Variants in EZR observed in about 807,000 individuals in gnomAD.
The protein encoded by EZR is ezrin.
Under a neutral mutation model 74.8 loss-of-function variants are expected in EZR, and 40 were observed. That is an observed-to-expected ratio of 0.53 (90% CI 0.42 to 0.70). The LOEUF (loss-of-function observed/expected upper bound fraction) is 0.70, where lower values mean the gene tolerates loss of function less well. EZR is among the 30% of genes least tolerant of loss of function. EZR has a pLI of 0.00. For synonymous variants in EZR, 341 were observed against 283.3 expected, an observed-to-expected ratio of 1.20 and a Z score of -2.05; for missense variants, 678 against 755.8, an observed-to-expected ratio of 0.90 and a Z score of 1.21.
rs937282213 is a variant in EZR at position 158,766,030 on chromosome 6, AAC to A, written c.*882_*883del. 1 of 152,610 alleles carries A rather than the reference AAC, an allele frequency of 6.6e-6. No homozygotes were observed. Among genetic ancestry groups the A allele is most frequent in the Admixed American group, 6.5e-5 (1 of 15,278 alleles). 9.5% of individuals were successfully genotyped at this position (152,610 alleles called of 1,614,324 possible). A position where few individuals can be genotyped will look rare whatever the true frequency, so the allele number is the denominator to read the frequency against. ...TGTGCATAGTCCATTACATGCATAA[AAC>A]ACTAATAATAATCCTGTTTACACGT... On this transcript the variant is annotated 3_prime_UTR_variant, in exon 14 of 14. Coordinates refer to ENST00000367075, the MANE Select transcript of EZR (RefSeq NM_001111077.2).
chr6:158,804,369 C>T (rs1008658478), intron 2 of EZR, among the ~76,000 whole-genome samples: 1 of 152,174 alleles, frequency 6.6e-6, no homozygotes, highest in African/African-American at 2.4e-5. Context: ...ATCTCCTTAC[C>T]TCAGGGCAGG....
intron 2 of EZR, among the ~76,000 whole-genome samples, chr6:158,793,198 G>C (rs1301699312): frequency 1.5e-5 from 2 of 135,478 alleles, no homozygotes; most frequent in Admixed American, 7.8e-5. Flanking sequence ...AGCTATGATC[G>C]AGCCACTGCA....
At position 158,785,488 on chromosome 6, in the gene EZR, G is replaced by A. The variant is rs771216905; in HGVS notation, c.288C>T (p.Asp96=). The stretch of plus-strand genomic sequence containing the variant: ...GGAGGAAGAAAAGTTTCTGGGTGAT[G>A]TCCTGGATGAGCTCCTCAGCCACAT... ...PEDVAEELIQ[D]ITQKLFFLQV... is the part of the protein sequence containing the mutation. Residue 96 remains aspartate, a synonymous_variant, in exon 5 of 14, where the codon GAC becomes GAT. Coordinates refer to ENST00000367075, the MANE Select transcript of EZR (RefSeq NM_001111077.2). 6.2e-7 allele frequency: 1 copy of A among 1,614,194 alleles called. No individual in the cohort carries two copies.
chr6:158,783,633 A>G lies in EZR; in HGVS notation c.585T>C (p.Ala195=), dbSNP rs765192333. ...DNAMLEYLKI[A]QDLEMYGINY... Reference sequence around the variant, plus strand: ...TGATTCCATACATTTCCAGGTCCTGAGCAATCTTCAGGTATTCCAACATAG... The same window carrying G: ...TGATTCCATACATTTCCAGGTCCTGGGCAATCTTCAGGTATTCCAACATAG... The change falls in exon 7 of 14, where the codon GCT becomes GCC. Residue 195 remains alanine, a synonymous_variant. Transcript: ENST00000367075. 9 of 1,613,782 alleles carry G rather than the reference A, an allele frequency of 5.6e-6. No homozygotes were observed. In the African/African-American group the frequency reaches 1.1e-4, roughly 19 times the overall value.
At chr6:158,799,113 A>G (rs1777137583) in intron 2 of EZR, among the ~76,000 whole-genome samples, 1 of 152,200 alleles carries the variant, frequency 6.6e-6, no homozygotes, top group Admixed American at 6.5e-5. Flanking sequence ...GTGTGGGAAG[A>G]GGCCTGGCTC....
chr6:158,808,681 TGAG>T (rs1777392023), intron 2 of EZR, among the ~76,000 whole-genome samples: 1 of 152,266 alleles, frequency 6.6e-6, no homozygotes, highest in South Asian at 2.1e-4. Context: ...TGTTTACAGA[TGAG>T]GAGGCAGAGG....
At chr6:158,802,277 A>T (rs561840947) in intron 2 of EZR, among the ~76,000 whole-genome samples, 1 of 152,372 alleles carries the variant, frequency 6.6e-6, no homozygotes, top group East Asian at 1.9e-4. Context: ...TTCTCAGTTC[A>T]GTCCTTATTT....
At chr6:158,801,691 C>A (rs1348065970) in intron 2 of EZR, among the ~76,000 whole-genome samples, 1 of 152,214 alleles carries the variant, frequency 6.6e-6, no homozygotes, top group Non-Finnish European at 1.5e-5. Context: ...TTGGAACTCA[C>A]AAGAGTCCAC....
chr6:158,817,551 T>C (rs1480638857), intron 2 of EZR, among the ~76,000 whole-genome samples: 1 of 152,196 alleles, frequency 6.6e-6, no homozygotes, highest in Non-Finnish European at 1.5e-5. Context: ...AGTTTGCTGG[T>C]GTACAGGGCA....
At chr6:158,798,947 G>A (rs1171194446) in intron 2 of EZR, among the ~76,000 whole-genome samples, 4 of 152,130 alleles carry the variant, frequency 2.6e-5, no homozygotes, top group Non-Finnish European at 5.9e-5. Context: ...ATGATGCTGA[G>A]CACAACCCAG....
chr6:158,771,295 T>C lies in EZR; in HGVS notation c.908A>G (p.Gln303Arg), dbSNP rs1198708478. The C allele has an allele frequency of 6.2e-7, 1 of 1,614,182 alleles. No homozygotes were observed. The highest frequency in any genetic ancestry group is 8.5e-7 in the Non-Finnish European group (1 of 1,180,006). ...CTCCCGGGCCTGGGCCTTCATCTGC[T>C]GCACCTCGATGGTGTCAGGCTTCCT... ...RRRKPDTIEV[Q>R]QMKAQAREEK... The change falls in exon 9 of 14, where the codon CAG becomes CGG. Residue 303 changes from glutamine (Q) to arginine (R), a missense_variant. By Grantham distance (43) the Gln-to-Arg change is conservative. Around this residue, in one of 3 missense-constraint regions of EZR, gnomAD observed 119 missense variants for 182.3 expected, o/e 0.65. Coordinates refer to ENST00000367075, the MANE Select transcript of EZR (RefSeq NM_001111077.2).
chr6:158,785,329 A>C lies in EZR; in HGVS notation c.447T>G (p.Ser149=). Residue 149 remains serine, a synonymous_variant, in exon 5 of 14, where the codon TCT becomes TCG. Transcript: ENST00000367075. ...KEVHKSGYLS[S]ERLIPQRVMD... ...CTCACCTTTGAGGGATCAGCCGCTC[A>C]GAGCTGAGGTACCCAGACTTGTGCA... 1 of 1,614,118 alleles carries C rather than the reference A, an allele frequency of 6.2e-7. No homozygotes were observed. Among genetic ancestry groups the C allele is most frequent in the South Asian group, 1.1e-5 (1 of 91,086 alleles).
rs775179414 is a variant in EZR, at chr6:158,767,348, C to T, written c.1509G>A (p.Leu503=). 2 of 1,614,012 alleles carry T rather than the reference C, an allele frequency of 1.2e-6. No homozygotes were observed. The highest frequency in any genetic ancestry group is 1.7e-6 in the Non-Finnish European group (2 of 1,180,022). Residue 503 remains leucine (L), a synonymous_variant, in exon 13 of 14, where the codon CTG becomes CTA. Transcript: ENST00000367075. ...GGTCATCCCGGATGCCCTCACTAGACAGCTCCGCGCTGTAGCCCGTGGGCT... is the reference window on the plus strand; with the variant it reads ...GGTCATCCCGGATGCCCTCACTAGATAGCTCCGCGCTGTAGCCCGTGGGCT... The part of the protein sequence containing the change: ...GAEPTGYSAE[L]SSEGIRDDRN...
intron 3 of EZR, 99 bp from the exon 4 acceptor site, chr6:158,787,302 A>G: frequency 1.1e-6 from 1 of 891,878 alleles, no homozygotes; most frequent in Non-Finnish European, 1.8e-6. Context: ...CAGAGTCCCC[A>G]GGAAACCAGG....
At chr6:158,795,465 C>T (rs1777051853) in intron 2 of EZR, among the ~76,000 whole-genome samples, 3 of 152,004 alleles carry the variant, frequency 2.0e-5, no homozygotes, top group Admixed American at 1.3e-4. Context: ...TAGCTCAGCT[C>T]GAACTTACTA....
At chr6:158,776,530 G>A (rs1418868217) in intron 7 of EZR, 26 bp from the exon 8 acceptor site, 2 of 1,516,306 alleles carry the variant, frequency 1.3e-6, no homozygotes, top group East Asian at 2.3e-5. Context: ...AGAAGTGGAT[G>A]GTTAGATGTA....
intron 13 of EZR, 51 bp from the exon 14 acceptor site, chr6:158,767,129 G>A: frequency 6.2e-7 from 1 of 1,603,908 alleles, no homozygotes. Flanking sequence ...ATATGGCCCG[G>A]CCCGTCCCCT....
chr6:158,771,662 G>C (rs999838637), intron 8 of EZR, among the ~76,000 whole-genome samples: 1 of 152,356 alleles, frequency 6.6e-6, no homozygotes, highest in Non-Finnish European at 1.5e-5. Context: ...GGAAGGGCAG[G>C]TGCCGCGTGT....
At position 158,766,759 on chromosome 6, in the gene EZR, G is replaced by A. The variant is rs866744065; in HGVS notation, c.*155C>T. 30 of 784,574 alleles carry A rather than the reference G, an allele frequency of 3.8e-5. No individual in the cohort carries two copies. Among genetic ancestry groups the A allele is most frequent in the Non-Finnish European group, 6.2e-5 (30 of 481,094 alleles). The allele number at this position is 784,574 out of a possible 1,614,324, so 48.6% of individuals were successfully genotyped here. A position where few individuals can be genotyped will look rare whatever the true frequency, so the allele number is the denominator to read the frequency against. ...GGAAAACAAACCAGGGCGCCTCCCT[G>A]GTTCCCAGCCCAGAATGTTTCTGTT... On this transcript the variant is annotated 3_prime_UTR_variant, in exon 14 of 14. Transcript: ENST00000367075.
Sources: gnomAD v4.1 joint callset for allele counts (sites outside exome capture counted in the v4.1 genomes callset) on GRCh38, gnomAD v4.1.1 for gene constraint, gnomAD v4.1.1 regional missense constraint, MANE v1.5 for transcripts, NCBI Gene and HGNC (gene_info 2026-07-23, HGNC 2026-07-21) for gene names.